RABGAP1L: variants seen among roughly 807,000 people sequenced by gnomAD.
RABGAP1L encodes RAB GTPase activating protein 1 like, also known as rab GTPase-activating protein 1-like.
RABGAP1L carries 63 observed loss-of-function variants against 137.7 expected under a neutral mutation model. The observed-to-expected ratio is 0.46, with a 90% confidence interval of 0.37 to 0.56. The LOEUF (loss-of-function observed/expected upper bound fraction) is 0.56, where lower values mean the gene tolerates loss of function less well. Ranked by LOEUF, RABGAP1L falls within the 20% of genes least tolerant of loss-of-function variation. The probability of loss-of-function intolerance (pLI) is 0.00; values close to 1 mark genes in which losing one functional copy is unlikely to be tolerated. For synonymous variants in RABGAP1L, 431 were observed against 433.7 expected (o/e 0.99, Z 0.08); for missense variants, 1,095 against 1,244.0 (o/e 0.88, Z 1.80).
chr1:174,578,493 A>G (rs921256714), intron 13 of RABGAP1L, among the ~76,000 whole-genome samples: 1 of 151,944 alleles, frequency 6.6e-6, no homozygotes, highest in Non-Finnish European at 1.5e-5. Context: ...TTTTTTTTTA[A>G]TTGGAAAATA....
chr1:174,433,971 T>C (rs1652937330), intron 13 of RABGAP1L, among the ~76,000 whole-genome samples: 1 of 152,190 alleles, frequency 6.6e-6, no homozygotes, highest in Non-Finnish European at 1.5e-5. Context: ...TACATTTTAA[T>C]GAGCTTTGAC....
At chr1:174,863,689 G>GAAA (rs1650703391) in intron 19 of RABGAP1L, among the ~76,000 whole-genome samples, 1 of 147,940 alleles carries the variant, frequency 6.8e-6, no homozygotes, top group Non-Finnish European at 1.5e-5. Context: ...AAAAAAAAAG[G>GAAA]AATGTTTTCT....
At chr1:174,183,545 TC>T (rs1288326529) in intron 1 of RABGAP1L, among the ~76,000 whole-genome samples, 1 of 152,200 alleles carries the variant, frequency 6.6e-6, no homozygotes, top group Non-Finnish European at 1.5e-5. Flanking sequence ...TGCACAGCCT[TC>T]CCCACTATCG....
intron 1 of RABGAP1L, among the ~76,000 whole-genome samples, chr1:174,162,215 G>A (rs1664528286): frequency 2.0e-5 from 3 of 151,946 alleles, no homozygotes; most frequent in Non-Finnish European, 4.4e-5. Context: ...TGTGAAACAG[G>A]AGTTTTCATG....
chr1:174,307,494 C>T (rs982461107), intron 11 of RABGAP1L, among the ~76,000 whole-genome samples: 3 of 152,146 alleles, frequency 2.0e-5, no homozygotes, highest in African/African-American at 4.8e-5. Flanking sequence ...AGCCACTAAT[C>T]TGCTTTCTAT....
chr1:174,351,633 G>T (rs1327182002), intron 11 of RABGAP1L, among the ~76,000 whole-genome samples: 1 of 152,022 alleles, frequency 6.6e-6, no homozygotes, highest in East Asian at 1.9e-4. Flanking sequence ...ATTGACCTCT[G>T]GGTGTTATAC....
chr1:174,339,908 T>A (rs1480797854), intron 11 of RABGAP1L, among the ~76,000 whole-genome samples: 1 of 152,136 alleles, frequency 6.6e-6, no homozygotes, highest in East Asian at 1.9e-4. Flanking sequence ...CACCCTTGAA[T>A]GTAAAAATAT....
At chr1:174,246,664 A>ATG (rs1672291171) in intron 5 of RABGAP1L, among the ~76,000 whole-genome samples, 2 of 152,346 alleles carry the variant, frequency 1.3e-5, no homozygotes, top group East Asian at 3.9e-4. Flanking sequence ...ATATGGAAAG[A>ATG]TGTGTGTAGG....
At chr1:174,460,375 T>C (rs1021920198) in intron 13 of RABGAP1L, among the ~76,000 whole-genome samples, 1 of 151,980 alleles carries the variant, frequency 6.6e-6, no homozygotes, top group African/African-American at 2.4e-5. Flanking sequence ...TATAATTAGG[T>C]GTGATGATAA....
At chr1:174,351,217 A>G (rs573082758) in intron 11 of RABGAP1L, among the ~76,000 whole-genome samples, 5 of 152,332 alleles carry the variant, frequency 3.3e-5, no homozygotes, top group East Asian at 1.9e-4. Flanking sequence ...ACAAAGCACA[A>G]TTATAGTGTT....
At chr1:174,427,578 C>T (rs1571752678) in intron 13 of RABGAP1L, among the ~76,000 whole-genome samples, 1 of 152,180 alleles carries the variant, frequency 6.6e-6, no homozygotes, top group East Asian at 1.9e-4. Flanking sequence ...ATATGTAGGT[C>T]AGTTCCTTTG....
intron 10 of RABGAP1L, among the ~76,000 whole-genome samples, chr1:174,291,178 T>C (rs1676569044): frequency 6.6e-6 from 1 of 152,170 alleles, no homozygotes; most frequent in South Asian, 2.1e-4. Flanking sequence ...TTCTTCCCCC[T>C]GTGAACAGTG....
intron 8 of RABGAP1L, 144 bp downstream of exon 8, chr1:174,272,624 A>G: frequency 2.7e-6 from 3 of 1,125,708 alleles, no homozygotes; most frequent in Non-Finnish European, 3.5e-6. Context: ...TTGGAAACGC[A>G]AACTTAAAAT....
chr1:174,553,969 T>A (rs1350420580), intron 13 of RABGAP1L, among the ~76,000 whole-genome samples: 2 of 152,046 alleles, frequency 1.3e-5, no homozygotes, highest in Non-Finnish European at 2.9e-5. Context: ...GCAGCCAGGG[T>A]GACAGAGTGA....
chr1:174,411,775 T>A (rs955118016), intron 13 of RABGAP1L, among the ~76,000 whole-genome samples: 2 of 152,172 alleles, frequency 1.3e-5, no homozygotes, highest in African/African-American at 4.8e-5. Context: ...ATTTAATTTC[T>A]ATGTAACTGT....
chr1:174,603,794 C>T (rs538713267), intron 13 of RABGAP1L, among the ~76,000 whole-genome samples: 312 of 152,194 alleles, frequency 2.1e-3, no homozygotes, highest in Admixed American at 3.1e-3. Context: ...TTCTCCCCTA[C>T]AAGGCAGCAG....
intron 19 of RABGAP1L, among the ~76,000 whole-genome samples, chr1:174,852,384 T>C (rs1648520161): frequency 6.6e-6 from 1 of 152,210 alleles, no homozygotes; most frequent in African/African-American, 2.4e-5. Flanking sequence ...TGTGATGCTT[T>C]TTCTTTTTGC....
At chr1:174,161,674 C>T (rs1440871111) in intron 1 of RABGAP1L, among the ~76,000 whole-genome samples, 1 of 152,188 alleles carries the variant, frequency 6.6e-6, no homozygotes, top group Admixed American at 6.5e-5. Context: ...ACTATTGGGG[C>T]ATATGGTGAA....
chr1:174,528,147 G>C (rs975522890), intron 13 of RABGAP1L, among the ~76,000 whole-genome samples: 2 of 151,402 alleles, frequency 1.3e-5, no homozygotes, highest in East Asian at 1.9e-4. Context: ...TTATATTCTA[G>C]GTGGTTATTA....
Sources: allele counts gnomAD v4.1 joint callset (sites outside exome capture counted in the v4.1 genomes callset), GRCh38; gene constraint gnomAD v4.1.1; transcripts MANE v1.5; gene names NCBI Gene and HGNC (gene_info 2026-07-23, HGNC 2026-07-21).